ST6GAL1: variants seen among roughly 807,000 people sequenced by gnomAD.
The protein encoded by ST6GAL1 is ST6 beta-galactoside alpha-2,6-sialyltransferase 1, also known as beta-galactoside alpha-2,6-sialyltransferase 1.
In ST6GAL1, 20 loss-of-function variants were observed where a neutral mutation model predicts 38.0. The ratio of observed to expected loss-of-function variants is 0.53; its 90% CI spans 0.37 to 0.77. The LOEUF (loss-of-function observed/expected upper bound fraction) is 0.77, where lower values mean the gene tolerates loss of function less well. ST6GAL1 is among the 30% of genes least tolerant of loss of function. The probability of loss-of-function intolerance (pLI) is 0.00; values close to 1 mark genes in which losing one functional copy is unlikely to be tolerated. For synonymous variants in ST6GAL1, 196 were observed against 188.2 expected (o/e 1.04, Z -0.34); for missense variants, 432 against 496.4 (o/e 0.87, Z 1.23).
At chr3:187,044,035 G>T (rs560762051) in intron 4 of ST6GAL1, among the ~76,000 whole-genome samples, 1 of 152,172 alleles carries the variant, frequency 6.6e-6, no homozygotes, top group Non-Finnish European at 1.5e-5. Flanking sequence ...GCGTATAAGT[G>T]TGTCCGTGCA....
intron 1 of ST6GAL1, among the ~76,000 whole-genome samples, chr3:186,962,764 G>A (rs1714975120): frequency 6.6e-6 from 1 of 152,202 alleles, no homozygotes; most frequent in South Asian, 2.1e-4. Flanking sequence ...AAAACAAAAG[G>A]CTGAAGATGA....
In ST6GAL1 at chr3:186,964,301, G is replaced by A. The variant is rs533545453; in HGVS notation, c.-183+375G>A. 11 of 152,240 alleles carry A rather than the reference G, an allele frequency of 7.2e-5. No individual in the cohort carries two copies. The South Asian group carries it at 8.3e-4, about 11-fold the overall frequency. The allele number at this position is 152,240 out of a possible 1,614,324, so 9.4% of individuals were successfully genotyped here. ...CACACACACACGCACACACACACGC[G>A]CGTGCCACGCTCTCTCTCTTTCAAC... On this transcript the variant is annotated intron_variant, in intron 2 of 7. Coordinates refer to ENST00000169298, the MANE Select transcript of ST6GAL1 (RefSeq NM_173216.2).
At chr3:187,030,120 T>C (rs941273389) in intron 2 of ST6GAL1, among the ~76,000 whole-genome samples, 2 of 152,180 alleles carry the variant, frequency 1.3e-5, no homozygotes, top group African/African-American at 4.8e-5. Context: ...AAAGTGGATA[T>C]TAATATCACA....
At chr3:186,932,634 CTTTG>C (rs1378433023) in intron 1 of ST6GAL1, among the ~76,000 whole-genome samples, 1 of 152,174 alleles carries the variant, frequency 6.6e-6, no homozygotes, top group African/African-American at 2.4e-5. Context: ...GCCAGGAGGC[CTTTG>C]TTTGGGCAAA....
intron 4 of ST6GAL1, among the ~76,000 whole-genome samples, chr3:187,050,020 A>C (rs1386406373): frequency 2.6e-5 from 4 of 152,192 alleles, no homozygotes; most frequent in African/African-American, 9.7e-5. Flanking sequence ...CCTAGGATTG[A>C]GGATAGGGTT....
At position 187,043,250 on chromosome 3, in the gene ST6GAL1, A is replaced by T. The variant is rs1227899080; in HGVS notation, c.547A>T (p.Arg183Trp). The change falls in exon 4 of 8, where the codon AGG (arginine) becomes TGG (tryptophan). Residue 183 changes from arginine (R) to tryptophan (W), a missense_variant. Physicochemically the swap from Arg to Trp is moderately radical, Grantham distance 101. Transcript: ENST00000169298. ...TAGGACCAAGGCTGGGCCTTGGGGC[A>T]GGTGTGCTGTTGTGTCGTCAGCGGG... ...SIRTKAGPWG[R>W]CAVVSSAGSL... 6.2e-7 allele frequency: 1 copy of T among 1,614,190 alleles called. No individual in the cohort carries two copies. Among genetic ancestry groups the T allele is most frequent in the Non-Finnish European group, 8.5e-7 (1 of 1,180,020 alleles).
intron 1 of ST6GAL1, among the ~76,000 whole-genome samples, chr3:186,960,969 CTTTTTTT>C (rs531371070): frequency 1.6e-5 from 2 of 124,748 alleles, no homozygotes; most frequent in Non-Finnish European, 3.4e-5. Context: ...ATCATTTGAT[CTTTTTTT>C]TTTTTTTTTT....
chr3:187,076,261 C>T lies in ST6GAL1; in HGVS notation c.*458C>T, dbSNP rs145497917. On this transcript the variant is annotated 3_prime_UTR_variant, in exon 8 of 8. Coordinates refer to ENST00000169298, the MANE Select transcript of ST6GAL1 (RefSeq NM_173216.2). ...CAATTGTGCCCAATGCAGGGTGGCT[C>T]TGGGGGGCAAGTAGGTGGTACAGGG... 1.1e-4 allele frequency: 19 copies of T among 170,562 alleles called. No individual in the cohort carries two copies. The East Asian group carries it at 2.2e-3, about 19-fold the overall frequency. The allele number at this position is 170,562 out of a possible 1,614,324, so 10.6% of individuals were successfully genotyped here.
At chr3:187,009,462 G>A (rs995965572) in intron 2 of ST6GAL1, among the ~76,000 whole-genome samples, 26 of 151,988 alleles carry the variant, frequency 1.7e-4, no homozygotes, top group Non-Finnish European at 3.7e-4. Context: ...TTCTATGAGT[G>A]CAATTTTTTA....
chr3:187,068,954 C>T (rs933168381), intron 5 of ST6GAL1, among the ~76,000 whole-genome samples: 1 of 152,200 alleles, frequency 6.6e-6, no homozygotes, highest in Non-Finnish European at 1.5e-5. Flanking sequence ...TACAAATCCC[C>T]ATCTAGCAGG....
intron 2 of ST6GAL1, among the ~76,000 whole-genome samples, chr3:187,032,218 G>T (rs1367347173): frequency 2.0e-5 from 3 of 152,206 alleles, no homozygotes; most frequent in Admixed American, 6.5e-5. Flanking sequence ...TAGAGGGCAA[G>T]GTTTTTTGAG....
At chr3:186,986,646 A>G (rs1009199641) in intron 2 of ST6GAL1, 2 of 152,122 alleles carry the variant, frequency 1.3e-5, no homozygotes, top group African/African-American at 4.8e-5. Flanking sequence ...TTATGTTTTC[A>G]AGAGGCAAAT....
rs116587174 is a variant in ST6GAL1 at position 186,966,756 on chromosome 3, C to A, written c.-183+2830C>A. Among the ~76,000 whole-genome samples the A allele has an allele frequency of 5.8e-3, 883 of 152,196 alleles. 7 individuals are homozygous for A. Among genetic ancestry groups the A allele is most frequent in the African/African-American group, 0.02 (831 of 41,520 alleles). On this transcript the variant is annotated intron_variant, in intron 2 of 7. Coordinates refer to ENST00000169298, the MANE Select transcript of ST6GAL1 (RefSeq NM_173216.2). ...CAGCTGATGCCCCAGGAGGTGAGGCCCAGTGGTGCTGGGCCCCCAGATCTC... is the reference window on the plus strand; with the variant it reads ...CAGCTGATGCCCCAGGAGGTGAGGCACAGTGGTGCTGGGCCCCCAGATCTC...
chr3:187,057,029 C>T (rs531629104), intron 5 of ST6GAL1, among the ~76,000 whole-genome samples: 20 of 152,250 alleles, frequency 1.3e-4, no homozygotes, highest in Admixed American at 9.2e-4. Context: ...CTAAACTTCT[C>T]TTTTTGTTTT....
intron 4 of ST6GAL1, among the ~76,000 whole-genome samples, chr3:187,043,578 T>C (rs1346592797): frequency 6.6e-6 from 1 of 152,236 alleles, no homozygotes; most frequent in African/African-American, 2.4e-5. Flanking sequence ...TTTATGGGGA[T>C]ATTTTGATAC....
At chr3:187,057,030 TTTTTG>T (rs1362027684) in intron 5 of ST6GAL1, among the ~76,000 whole-genome samples, 1 of 152,222 alleles carries the variant, frequency 6.6e-6, no homozygotes, top group African/African-American at 2.4e-5. Context: ...TAAACTTCTC[TTTTTG>T]TTTTATTTCA....
chr3:186,975,427 A>T lies in ST6GAL1; in HGVS notation c.-183+11501A>T, dbSNP rs917565261. Among the ~76,000 whole-genome samples the T allele has an allele frequency of 2.0e-5, 3 of 152,168 alleles. No homozygotes were observed. The East Asian group carries it at 5.8e-4, about 29-fold the overall frequency. On this transcript the variant is annotated intron_variant, in intron 2 of 7. Coordinates refer to ENST00000169298, the MANE Select transcript of ST6GAL1 (RefSeq NM_173216.2). ...ATTAGATGATGTGGACTTGACTTGG[A>T]CAGGGGCATTGAGGCAAGGAAAGAA...
At chr3:187,063,466 T>G (rs1718989606) in intron 5 of ST6GAL1, among the ~76,000 whole-genome samples, 1 of 152,202 alleles carries the variant, frequency 6.6e-6, no homozygotes. Flanking sequence ...ACCTGATGAA[T>G]GGAGTAGGAT....
intron 2 of ST6GAL1, among the ~76,000 whole-genome samples, chr3:186,993,571 T>C: frequency 1.5e-5 from 1 of 67,750 alleles, no homozygotes; most frequent in East Asian, 6.1e-4. Flanking sequence ...TTTATTTATT[T>C]ATTTATTTAT....
Sources: allele counts gnomAD v4.1 joint callset (sites outside exome capture counted in the v4.1 genomes callset), GRCh38; gene constraint gnomAD v4.1.1; transcripts MANE v1.5; gene names NCBI Gene and HGNC (gene_info 2026-07-23, HGNC 2026-07-21).